ZBTB20: variants seen among roughly 807,000 people sequenced by gnomAD.
The protein encoded by ZBTB20 is zinc finger and BTB domain containing 20, also known as zinc finger and BTB domain-containing protein 20.
In ZBTB20, 9 loss-of-function variants were observed where a neutral mutation model predicts 56.9. That is an observed-to-expected ratio of 0.16 (90% CI 0.10 to 0.28). ZBTB20 has a LOEUF of 0.28. Among genes scored for constraint, ZBTB20 ranks in the 10% least tolerant of loss-of-function variants. The probability of loss-of-function intolerance (pLI) is 1.00; values close to 1 mark genes in which losing one functional copy is unlikely to be tolerated. For synonymous variants in ZBTB20, 417 were observed against 420.7 expected (o/e 0.99, Z 0.11); for missense variants, 655 against 1,003.0 (o/e 0.65, Z 4.69).
intron 7 of ZBTB20, among the ~76,000 whole-genome samples, chr3:114,459,547 G>T (rs1286883578): frequency 6.6e-6 from 1 of 152,084 alleles, no homozygotes; most frequent in Admixed American, 6.6e-5. Context: ...TATATTTAAT[G>T]TATTGTCCAG....
intron 4 of ZBTB20, among the ~76,000 whole-genome samples, chr3:114,850,390 T>C (rs1362802364): frequency 6.6e-6 from 1 of 152,202 alleles, no homozygotes; most frequent in Non-Finnish European, 1.5e-5. Flanking sequence ...GGTGTGTTCA[T>C]CTCTGTGCTG....
intron 2 of ZBTB20, among the ~76,000 whole-genome samples, chr3:115,037,736 G>A (rs2080985320): frequency 6.6e-6 from 1 of 152,204 alleles, no homozygotes; most frequent in African/African-American, 2.4e-5. Context: ...ATAAGGAGAA[G>A]TATAAATACA....
In ZBTB20 at chr3:114,356,677, C is replaced by T. The variant is rs1400389701; in HGVS notation, c.200-4799G>A. Among the ~76,000 whole-genome samples, 2 of 152,144 alleles carry T rather than the reference C, an allele frequency of 1.3e-5. 1 individual carries two copies. Among genetic ancestry groups the T allele is most frequent in the Non-Finnish European group, 2.9e-5 (2 of 68,022 alleles). The stretch of plus-strand genomic sequence containing the variant: ...CAAGTTAGTCACACTAGGAAAGAGC[C>T]AGTCATCTCTGGAGAAAGGGGGGAT... On this transcript the variant is annotated intron_variant, in intron 10 of 11. Coordinates refer to ENST00000675478, the MANE Select transcript of ZBTB20 (RefSeq NM_001348800.3).
intron 6 of ZBTB20, among the ~76,000 whole-genome samples, chr3:114,669,773 C>T (rs1445948153): frequency 6.6e-6 from 1 of 152,004 alleles, no homozygotes; most frequent in East Asian, 1.9e-4. Context: ...TAATACAACT[C>T]CTCTCTGAAG....
intron 1 of ZBTB20, among the ~76,000 whole-genome samples, chr3:115,112,589 C>T (rs1214703249): frequency 6.6e-6 from 1 of 152,184 alleles, no homozygotes; most frequent in Non-Finnish European, 1.5e-5. Context: ...TTTCACTTAA[C>T]ATAATGACCT....
Position 114,817,192 on chromosome 3 carries a change from T to TACACACACAC in ZBTB20, c.-416-16028_-416-16019dup, listed in dbSNP as rs56294507. 9.6e-3 allele frequency among the ~76,000 whole-genome samples: 1,403 copies of TACACACACAC among 145,782 alleles called. 22 individuals carry two copies. The highest frequency in any genetic ancestry group is 0.03 in the African/African-American group (1,170 of 38,726). On this transcript the variant is annotated intron_variant, in intron 4 of 11. Transcript: ENST00000675478. ...ATATGAAATATATTTATACAACTTA[T>TACACACACAC]ACACACACACACACACACACACACA...
intron 4 of ZBTB20, among the ~76,000 whole-genome samples, chr3:114,803,576 T>C (rs1459892042): frequency 6.6e-6 from 1 of 151,834 alleles, no homozygotes; most frequent in African/African-American, 2.4e-5. Context: ...TTGTCTTTGA[T>C]ATGAATAGTG....
intron 2 of ZBTB20, among the ~76,000 whole-genome samples, chr3:115,058,974 C>T (rs973466923): frequency 6.6e-6 from 1 of 152,102 alleles, no homozygotes. Context: ...TATACCATAC[C>T]AATGTAGTAA....
At chr3:114,624,441 T>C (rs901607608) in intron 6 of ZBTB20, among the ~76,000 whole-genome samples, 6 of 150,290 alleles carry the variant, frequency 4.0e-5, no homozygotes, top group African/African-American at 1.2e-4. Context: ...CACACCAGAA[T>C]GCAGCCATGT....
At chr3:114,818,814 T>C (rs1216016166) in intron 4 of ZBTB20, among the ~76,000 whole-genome samples, 1 of 151,896 alleles carries the variant, frequency 6.6e-6, no homozygotes, top group Non-Finnish European at 1.5e-5. Flanking sequence ...CTTAACTGTT[T>C]TGGAAATTAT....
chr3:114,501,932 T>C (rs995156187), intron 6 of ZBTB20, among the ~76,000 whole-genome samples: 2 of 151,884 alleles, frequency 1.3e-5, no homozygotes, highest in African/African-American at 2.4e-5. Flanking sequence ...GGTCTCAAAC[T>C]CCTGAACTCA....
At chr3:114,661,986 G>A (rs894483618) in intron 6 of ZBTB20, among the ~76,000 whole-genome samples, 14 of 150,798 alleles carry the variant, frequency 9.3e-5, no homozygotes, top group Middle Eastern at 3.2e-3. Flanking sequence ...CATGTGCCAT[G>A]CTGGTGCACT....
chr3:114,408,208 A>G (rs1299986626), intron 7 of ZBTB20, among the ~76,000 whole-genome samples: 1 of 152,232 alleles, frequency 6.6e-6, no homozygotes, highest in East Asian at 1.9e-4. Flanking sequence ...ATGATAAAAA[A>G]TACTATGTAA....
At chr3:114,527,557 T>G (rs575578489) in intron 6 of ZBTB20, among the ~76,000 whole-genome samples, 14 of 152,334 alleles carry the variant, frequency 9.2e-5, no homozygotes, top group African/African-American at 3.4e-4. Context: ...TGTGCAATAC[T>G]GAGCCATAAT....
At chr3:114,787,366 T>TACACACACAC (rs1553821499) in intron 5 of ZBTB20, among the ~76,000 whole-genome samples, 2 of 82,896 alleles carry the variant, frequency 2.4e-5, no homozygotes, top group African/African-American at 1.1e-4. Context: ...TATATATATA[T>TACACACACAC]ATACACACAC....
rs142775176 is a variant in ZBTB20 at position 115,138,349 on chromosome 3, T to A, written c.-703+8870A>T. 2.0e-5 allele frequency among the ~76,000 whole-genome samples: 3 copies of A among 152,184 alleles called. No individual in the cohort carries two copies. The East Asian group carries it at 5.8e-4, about 29-fold the overall frequency. Reference sequence around the variant, plus strand: ...TTCATTGTACAACCTTTAGACAAATTCTCTATCATCATTTTTAATTCTAGA... The same window carrying A: ...TTCATTGTACAACCTTTAGACAAATACTCTATCATCATTTTTAATTCTAGA... On this transcript the variant is annotated intron_variant, in intron 1 of 11. Coordinates refer to ENST00000675478, the MANE Select transcript of ZBTB20 (RefSeq NM_001348800.3).
At chr3:115,130,701 C>A (rs1389819674) in intron 1 of ZBTB20, among the ~76,000 whole-genome samples, 1 of 152,166 alleles carries the variant, frequency 6.6e-6, no homozygotes, top group Non-Finnish European at 1.5e-5. Context: ...TGCCAAGATT[C>A]AGAAATATGA....
intron 5 of ZBTB20, among the ~76,000 whole-genome samples, chr3:114,725,317 T>A (rs966138974): frequency 1.3e-5 from 2 of 152,204 alleles, no homozygotes; most frequent in African/African-American, 4.8e-5. Context: ...TATCTTCATC[T>A]CTTTTCATCA....
At position 114,482,097 on chromosome 3, in the gene ZBTB20, C is replaced by A. The variant is rs553158053; in HGVS notation, c.-255+18255G>T. 2.0e-5 allele frequency among the ~76,000 whole-genome samples: 3 copies of A among 152,198 alleles called. No homozygotes were observed. In the South Asian group the frequency reaches 6.2e-4, roughly 32 times the overall value. On this transcript the variant is annotated intron_variant, in intron 7 of 11. Coordinates refer to ENST00000675478, the MANE Select transcript of ZBTB20 (RefSeq NM_001348800.3). Reference sequence around the variant, plus strand: ...TGTCTTTGCAGGGGGGTGTCTAGGACTATGGACTTAAGATAACCTCACAGG... The same window carrying A: ...TGTCTTTGCAGGGGGGTGTCTAGGAATATGGACTTAAGATAACCTCACAGG...
Sources: gnomAD v4.1 joint callset for allele counts (sites outside exome capture counted in the v4.1 genomes callset) on GRCh38, gnomAD v4.1.1 for gene constraint, MANE v1.5 for transcripts, NCBI Gene and HGNC (gene_info 2026-07-23, HGNC 2026-07-21) for gene names.